Variants in LARP1 observed in about 807,000 individuals in gnomAD.
The protein encoded by LARP1 is la-related protein 1.
LARP1 carries 36 observed loss-of-function variants against 122.7 expected under a neutral mutation model. The ratio of observed to expected loss-of-function variants is 0.29; its 90% CI spans 0.22 to 0.39. LARP1 has a LOEUF of 0.39. LARP1 is among the 10% of genes least tolerant of loss of function. The probability of loss-of-function intolerance (pLI) is 1.00; values close to 1 mark genes in which losing one functional copy is unlikely to be tolerated. For missense variants in LARP1, 1,040 were observed against 1,403.6 expected (o/e 0.74, Z 4.14); for synonymous variants, 539 against 528.7 (o/e 1.02, Z -0.27).
At chr5:154,813,785 C>G (rs956128494) in intron 18 of LARP1, 102 bp from the exon 19 acceptor site, 1 of 923,642 alleles carries the variant, frequency 1.1e-6, no homozygotes, top group African/African-American at 1.6e-5. Flanking sequence ...CATTCATTTT[C>G]TATATTTGGA....
intron 1 of LARP1, among the ~76,000 whole-genome samples, chr5:154,731,918 A>T (rs999161193): frequency 6.6e-6 from 1 of 151,846 alleles, no homozygotes; most frequent in Non-Finnish European, 1.5e-5. Flanking sequence ...GCTACTCGGG[A>T]GGCTGAGGCA....
intron 1 of LARP1, chr5:154,729,528 G>T: frequency 2.3e-6 from 1 of 428,062 alleles, no homozygotes; most frequent in South Asian, 1.8e-5. Flanking sequence ...AGCTGACATA[G>T]CTTCCTGAAA....
intron 1 of LARP1, among the ~76,000 whole-genome samples, chr5:154,704,523 T>C (rs890809046): frequency 5.3e-5 from 8 of 152,040 alleles, no homozygotes; most frequent in African/African-American, 1.9e-4. Context: ...GGCTCACGCC[T>C]GTAATCCCAG....
chr5:154,723,978 G>A (rs1756045764), intron 1 of LARP1, among the ~76,000 whole-genome samples: 1 of 152,260 alleles, frequency 6.6e-6, no homozygotes, highest in South Asian at 2.1e-4. Flanking sequence ...AGCAGTGAGG[G>A]CTATCCCCCA....
chr5:154,707,555 C>T (rs1302526241), intron 1 of LARP1, among the ~76,000 whole-genome samples: 2 of 152,104 alleles, frequency 1.3e-5, no homozygotes, highest in Non-Finnish European at 2.9e-5. Flanking sequence ...TATAAGTGCT[C>T]ACTATTTGCT....
chr5:154,789,202 C>T (rs1477748664), intron 1 of LARP1, among the ~76,000 whole-genome samples: 2 of 146,508 alleles, frequency 1.4e-5, no homozygotes, highest in African/African-American at 2.5e-5. Flanking sequence ...CAGAGCGAGA[C>T]TCTGTCTCAA....
intron 13 of LARP1, 90 bp from the exon 14 acceptor site, chr5:154,804,111 G>T (rs1195900046): frequency 3.3e-6 from 3 of 910,924 alleles, no homozygotes; most frequent in Non-Finnish European, 5.4e-6. Context: ...AAATGTGAGA[G>T]ATCATGCCCA....
intron 1 of LARP1, among the ~76,000 whole-genome samples, chr5:154,758,178 C>T (rs1354441655): frequency 1.3e-5 from 2 of 151,860 alleles, no homozygotes; most frequent in Non-Finnish European, 2.9e-5. Context: ...GTATTGGGTG[C>T]CTGAGCTGGC....
At chr5:154,770,487 C>T (rs1306740146) in intron 1 of LARP1, among the ~76,000 whole-genome samples, 1 of 152,004 alleles carries the variant, frequency 6.6e-6, no homozygotes, top group African/African-American at 2.4e-5. Context: ...TCCCTGGCTC[C>T]CTCCCTGCCC....
rs375992976 is a variant in LARP1 at position 154,743,046 on chromosome 5, G to A, written c.205+29916G>A. The stretch of plus-strand genomic sequence containing the variant: ...CCTTTCTTAGAGATTGACTATGAAT[G>A]TTAAAGTCTTGGAGATGACCTACAG... On this transcript the variant is annotated intron_variant, in intron 1 of 18. Coordinates refer to the LARP1 transcript ENST00000336314. 3.3e-5 allele frequency among the ~76,000 whole-genome samples: 5 copies of A among 152,288 alleles called. No individual in the cohort carries two copies. In the East Asian group the frequency reaches 7.7e-4, roughly 23 times the overall value.
Position 154,760,298 on chromosome 5 carries a change from T to G in LARP1, c.436+4105T>G, listed in dbSNP as rs542748038. On this transcript the variant is annotated intron_variant, in intron 1 of 18. Transcript: ENST00000518297. ...CAGCAATGTGGACACCGGCAAACGC[T>G]TTGCTTTCTCTGTGCCTGTTTCTTC... Among the ~76,000 whole-genome samples, 12 of 152,328 alleles carry G rather than the reference T, an allele frequency of 7.9e-5. No individual in the cohort carries two copies. In the South Asian group the frequency reaches 2.3e-3, roughly 29 times the overall value.
intron 1 of LARP1, chr5:154,786,497 G>A (rs561757300): frequency 2.4e-5 from 11 of 455,896 alleles, no homozygotes; most frequent in Non-Finnish European, 4.0e-5. Context: ...GGGCTGGTTT[G>A]CCTTAGTTGA....
intron 1 of LARP1, among the ~76,000 whole-genome samples, chr5:154,738,959 A>G (rs1461630052): frequency 6.6e-6 from 1 of 152,184 alleles, no homozygotes; most frequent in Non-Finnish European, 1.5e-5. Flanking sequence ...AAATAAATAA[A>G]AAATTTAAAA....
chr5:154,700,088 T>C (rs1754643889), intron 1 of LARP1, among the ~76,000 whole-genome samples: 1 of 152,010 alleles, frequency 6.6e-6, no homozygotes, highest in Admixed American at 6.6e-5. Context: ...TGGACTAGGG[T>C]GAGGGGAATG....
chr5:154,736,936 A>G (rs1756936532), intron 1 of LARP1, among the ~76,000 whole-genome samples: 1 of 152,098 alleles, frequency 6.6e-6, no homozygotes, highest in East Asian at 1.9e-4. Context: ...ATTTCCACCA[A>G]CAGTACACAA....
chr5:154,693,957 C>G (rs138034437), intron 1 of LARP1, among the ~76,000 whole-genome samples: 14 of 151,978 alleles, frequency 9.2e-5, no homozygotes, highest in African/African-American at 3.4e-4. Context: ...AAATATTGAG[C>G]CTGAATCTAA....
intron 1 of LARP1, among the ~76,000 whole-genome samples, chr5:154,715,846 A>G (rs1657393559): frequency 6.6e-6 from 1 of 152,214 alleles, no homozygotes; most frequent in Non-Finnish European, 1.5e-5. Context: ...CGATGAGCTA[A>G]CAATTTTACT....
chr5:154,733,359 T>A (rs1032405132), intron 1 of LARP1, among the ~76,000 whole-genome samples: 13 of 152,140 alleles, frequency 8.5e-5, no homozygotes, highest in Admixed American at 7.9e-4. Flanking sequence ...CTGACATTTC[T>A]ATTTTTTATT....
intron 1 of LARP1, among the ~76,000 whole-genome samples, chr5:154,761,559 C>T (rs1754448790): frequency 6.6e-6 from 1 of 152,146 alleles, no homozygotes; most frequent in African/African-American, 2.4e-5. Context: ...AAACCCAAGA[C>T]AGCTCAAAGG....
Sources: allele counts gnomAD v4.1 joint callset (sites outside exome capture counted in the v4.1 genomes callset), GRCh38; gene constraint gnomAD v4.1.1; transcripts MANE v1.5; gene names NCBI Gene and HGNC (gene_info 2026-07-23, HGNC 2026-07-21).